SPATA17: variants seen among roughly 807,000 people sequenced by gnomAD.
The protein encoded by SPATA17 is spermatogenesis associated 17, also known as spermatogenesis-associated protein 17.
SPATA17 carries 53 observed loss-of-function variants against 62.2 expected under a neutral mutation model. The ratio of observed to expected loss-of-function variants is 0.85; its 90% CI spans 0.68 to 1.07. The LOEUF is 1.07. Among genes scored for constraint, SPATA17 ranks in the 50% least tolerant of loss-of-function variants. SPATA17 has a pLI of 0.00. For synonymous variants in SPATA17, 146 were observed against 146.8 expected (o/e 0.99, Z 0.04); for missense variants, 466 against 425.5 (o/e 1.10, Z -0.84).
At chr1:217,837,806 C>A (rs1189719704) in intron 9 of SPATA17, among the ~76,000 whole-genome samples, 1 of 152,070 alleles carries the variant, frequency 6.6e-6, no homozygotes. Context: ...ACTTTTATTT[C>A]TCTTTGTCCC....
intron 6 of SPATA17, among the ~76,000 whole-genome samples, chr1:217,752,660 A>G (rs563182281): frequency 1.3e-5 from 2 of 152,338 alleles, no homozygotes; most frequent in African/African-American, 4.8e-5. Flanking sequence ...TCCATTTTGT[A>G]TATGAAATTA....
chr1:217,781,814 C>A (rs1023922534), intron 7 of SPATA17, among the ~76,000 whole-genome samples: 4 of 151,952 alleles, frequency 2.6e-5, no homozygotes, highest in African/African-American at 9.7e-5. Flanking sequence ...TTTGTATTTA[C>A]TCAAAAAGGG....
chr1:217,862,642 A>G, intron 9 of SPATA17, 132 bp from the exon 10 acceptor site: 3 of 647,294 alleles, frequency 4.6e-6, no homozygotes, highest in Non-Finnish European at 5.2e-6. Context: ...TTTTGTTTTG[A>G]GAGTATAATG....
At chr1:217,722,610 G>T (rs550277245) in intron 5 of SPATA17, among the ~76,000 whole-genome samples, 1 of 152,240 alleles carries the variant, frequency 6.6e-6, no homozygotes, top group East Asian at 1.9e-4. Context: ...ATGTATATTT[G>T]AATGAGCATT....
At chr1:217,795,720 C>G (rs546198734) in intron 8 of SPATA17, among the ~76,000 whole-genome samples, 59 of 152,022 alleles carry the variant, frequency 3.9e-4, no homozygotes, top group African/African-American at 1.3e-3. Context: ...GCCATGAGTC[C>G]CCTCATCTCA....
chr1:217,662,867 T>G (rs1272028047), intron 3 of SPATA17, among the ~76,000 whole-genome samples: 2 of 152,152 alleles, frequency 1.3e-5, no homozygotes, highest in African/African-American at 2.4e-5. Context: ...GACTTCCAAA[T>G]CAGTTATAAG....
chr1:217,748,911 G>A (rs931924228), intron 6 of SPATA17, among the ~76,000 whole-genome samples: 3 of 152,082 alleles, frequency 2.0e-5, no homozygotes, highest in Admixed American at 6.5e-5. Flanking sequence ...CAGCCTTACC[G>A]TGTGCACCTG....
At chr1:217,782,422 A>G in intron 8 of SPATA17, 100 bp downstream of exon 8, 7 of 1,333,822 alleles carry the variant, frequency 5.2e-6, no homozygotes, top group Middle Eastern at 2.8e-4. Context: ...TTTATTTGTG[A>G]GAAAAGGTAA....
At chr1:217,793,990 C>T (rs1288319567) in intron 8 of SPATA17, among the ~76,000 whole-genome samples, 1 of 151,884 alleles carries the variant, frequency 6.6e-6, no homozygotes, top group African/African-American at 2.4e-5. Flanking sequence ...GTGGCGGGCG[C>T]CTGTAGTCCC....
intron 5 of SPATA17, among the ~76,000 whole-genome samples, chr1:217,714,729 C>T (rs1293083982): frequency 6.6e-6 from 1 of 151,978 alleles, no homozygotes; most frequent in African/African-American, 2.4e-5. Context: ...TCATGATCCG[C>T]CCGCCTCGGC....
chr1:217,780,972 T>C lies in SPATA17; in HGVS notation c.724-1202T>C, dbSNP rs141165779. On this transcript the variant is annotated intron_variant, in intron 7 of 10. Coordinates refer to ENST00000366933, the MANE Select transcript of SPATA17 (RefSeq NM_138796.4). ...AATAAGAAAAAAAAAAGAAGTCCCA[T>C]TTGATTTCTTAATAGTGGACTTGGA... 1.4e-3 allele frequency among the ~76,000 whole-genome samples: 218 copies of C among 152,300 alleles called. 1 individual carries two copies. Among genetic ancestry groups the C allele is most frequent in the African/African-American group, 4.8e-3 (198 of 41,578 alleles).
intron 5 of SPATA17, among the ~76,000 whole-genome samples, chr1:217,705,430 CTTTTTTTTTTTTTT>C (rs58138326): frequency 6.4e-5 from 3 of 46,608 alleles, no homozygotes; most frequent in South Asian, 1.2e-3. Context: ...TTCTAGTTGT[CTTTTTTTTTTTTTT>C]TTTTTTTTTT....
chr1:217,844,654 A>T (rs1018179372), intron 9 of SPATA17, among the ~76,000 whole-genome samples: 1 of 152,078 alleles, frequency 6.6e-6, no homozygotes, highest in Admixed American at 6.6e-5. Context: ...TTAACTCTGG[A>T]ATTTTGAGTA....
intron 5 of SPATA17, among the ~76,000 whole-genome samples, chr1:217,685,602 A>G (rs1363895755): frequency 6.6e-6 from 1 of 152,032 alleles, no homozygotes; most frequent in South Asian, 2.1e-4. Context: ...TTTCTTTTTT[A>G]ATATACTAAC....
chr1:217,846,139 T>C (rs1181180164), intron 9 of SPATA17, among the ~76,000 whole-genome samples: 2 of 152,126 alleles, frequency 1.3e-5, no homozygotes, highest in East Asian at 1.9e-4. Context: ...TGAAATACTT[T>C]ACCATTAATA....
At chr1:217,684,421 TA>T (rs1426477233) in intron 5 of SPATA17, among the ~76,000 whole-genome samples, 2 of 152,130 alleles carry the variant, frequency 1.3e-5, no homozygotes, top group African/African-American at 2.4e-5. Flanking sequence ...TTTACTCTTT[TA>T]TTTTTTTTTT....
intron 5 of SPATA17, among the ~76,000 whole-genome samples, chr1:217,705,946 A>T (rs1019633096): frequency 6.6e-6 from 1 of 152,108 alleles, no homozygotes; most frequent in Non-Finnish European, 1.5e-5. Context: ...CTGCAAATGG[A>T]TAGCCAGTTA....
At chr1:217,864,301 A>T (rs749582306) in intron 10 of SPATA17, among the ~76,000 whole-genome samples, 8 of 152,174 alleles carry the variant, frequency 5.3e-5, no homozygotes, top group Non-Finnish European at 1.0e-4. Flanking sequence ...GATTGAAAAT[A>T]ACTTGAACAC....
At chr1:217,645,288 T>A (rs1378518234) in intron 1 of SPATA17, among the ~76,000 whole-genome samples, 1 of 152,146 alleles carries the variant, frequency 6.6e-6, no homozygotes, top group East Asian at 1.9e-4. Context: ...CAGGAGAGAT[T>A]AAAAAACATA....
Sources: allele counts gnomAD v4.1 joint callset (sites outside exome capture counted in the v4.1 genomes callset), GRCh38; gene constraint gnomAD v4.1.1; transcripts MANE v1.5; gene names NCBI Gene and HGNC (gene_info 2026-07-23, HGNC 2026-07-21).